The following ANKRD66 variants were observed in gnomAD, a reference collection of about 807,000 sequenced individuals.
ANKRD66 encodes ankyrin repeat domain 66, also known as ankyrin repeat domain-containing protein 66.
In ANKRD66, 10 loss-of-function variants were observed where a neutral mutation model predicts 10.9. The observed-to-expected ratio is 0.91, with a 90% confidence interval of 0.56 to 1.55. ANKRD66 has a LOEUF of 1.55. Among genes scored for constraint, ANKRD66 ranks in the 40% most tolerant of loss-of-function variants. The pLI, the probability that ANKRD66 is intolerant of heterozygous loss-of-function variation, is 0.00. For synonymous variants in ANKRD66, 85 were observed against 88.4 expected (o/e 0.96, Z 0.22); for missense variants, 252 against 242.9 (o/e 1.04, Z -0.25).
At chr6:46,749,248 GT>G (rs1193797348) in intron 1 of ANKRD66, among the ~76,000 whole-genome samples, 2 of 152,214 alleles carry the variant, frequency 1.3e-5, no homozygotes, top group African/African-American at 4.8e-5. Flanking sequence ...CAGTATGGGA[GT>G]TGGTGGCTCC....
chr6:46,749,557 C>A lies in ANKRD66; in HGVS notation c.-96-339C>A, dbSNP rs111455763. Among the ~76,000 whole-genome samples, 40 of 96,396 alleles carry A rather than the reference C, an allele frequency of 4.1e-4. 3 individuals are homozygous for A. In the South Asian group the frequency reaches 6.5e-3, roughly 16 times the overall value. 63.2% of individuals were successfully genotyped at this position (96,396 alleles called of 152,430 possible). A position where few individuals can be genotyped will look rare whatever the true frequency, so the allele number is the denominator to read the frequency against. ...TTTTTTTTTCTCTTTTATTCCCCCC[C>A]CCCCCCCCCCGCTTTTTTCTTTTCC... On this transcript the variant is annotated intron_variant, in intron 1 of 4. Transcript: ENST00000565422.
intron 3 of ANKRD66, 88 bp downstream of exon 3, chr6:46,752,199 C>A: frequency 7.8e-7 from 1 of 1,281,278 alleles, no homozygotes. Flanking sequence ...GGGAGTGGAA[C>A]AAACATTTCT....
At chr6:46,753,985 A>G in intron 4 of ANKRD66, 35 bp downstream of exon 4, 1 of 1,517,296 alleles carries the variant, frequency 6.6e-7, no homozygotes, top group African/African-American at 1.4e-5. Flanking sequence ...TAGAAGGAGC[A>G]GAGGAACAGG....
At chr6:46,750,076 C>T in intron 2 of ANKRD66, 97 bp downstream of exon 2, 1 of 656,316 alleles carries the variant, frequency 1.5e-6, no homozygotes, top group South Asian at 1.7e-5. Context: ...ACTCCAGCTC[C>T]TTCTTATGAT....
chr6:46,755,290 A>G lies in ANKRD66; in HGVS notation c.392+1340A>G, dbSNP rs115076867. ...GCTAGAGAAAATCCCACGTCAATAT[A>G]TGGGTATCCTAGCAGTTTGAATATT... On this transcript the variant is annotated intron_variant, in intron 4 of 4. Transcript: ENST00000565422. Among the ~76,000 whole-genome samples the G allele has an allele frequency of 5.0e-3, 764 of 152,278 alleles. 7 individuals are homozygous for G. The highest frequency in any genetic ancestry group is 0.017 in the African/African-American group (697 of 41,554).
rs185356540 is a variant in ANKRD66 at position 46,753,376 on chromosome 6, A to T, written c.164-346A>T. Among the ~76,000 whole-genome samples, 11 of 152,350 alleles carry T rather than the reference A, an allele frequency of 7.2e-5. No individual in the cohort carries two copies. In the East Asian group the frequency reaches 2.1e-3, roughly 29 times the overall value. The stretch of plus-strand genomic sequence containing the variant: ...GCTCAGTGTTGAGACTGTCAAAAGC[A>T]CAGTGGGCCTTACCAATAGGCAGGT... On this transcript the variant is annotated intron_variant, in intron 3 of 4. Transcript: ENST00000565422.
Position 46,758,933 on chromosome 6 carries a change from T to G in ANKRD66, c.*12T>G, listed in dbSNP as rs372121909. On this transcript the variant is annotated 3_prime_UTR_variant, in exon 5 of 5. Transcript: ENST00000565422. ...GGAGGAGAGTATGAGAACTCAACCT[T>G]ATGTTTTCTGGCAAGGAACTTTCCC... The G allele has an allele frequency of 6.5e-7, 1 of 1,529,202 alleles. No individual in the cohort carries two copies. The highest frequency in any genetic ancestry group is 8.8e-7 in the Non-Finnish European group (1 of 1,136,304). 94.7% of individuals were successfully genotyped at this position (1,529,202 alleles called of 1,614,324 possible).
Position 46,759,296 on chromosome 6 carries a change from CT to C in ANKRD66, c.*380del, listed in dbSNP as rs1766437351. ...TAATGAACATGTGATTATAGGTCTA[CT>C]TTTTCAACTGTAAATTTGGGAAAAT... is the stretch of plus-strand genomic sequence containing the variant. On this transcript the variant is annotated 3_prime_UTR_variant, in exon 5 of 5. Coordinates refer to ENST00000565422, the MANE Select transcript of ANKRD66 (RefSeq NM_001162435.3). 1 of 158,748 alleles carries C rather than the reference CT, an allele frequency of 6.3e-6. No individual in the cohort carries two copies. The highest frequency in any genetic ancestry group is 2.4e-5 in the African/African-American group (1 of 41,740). 9.8% of individuals were successfully genotyped at this position (158,748 alleles called of 1,614,324 possible).
At chr6:46,747,698 A>G (rs964760147) in intron 1 of ANKRD66, among the ~76,000 whole-genome samples, 4 of 152,198 alleles carry the variant, frequency 2.6e-5, no homozygotes, top group Non-Finnish European at 5.9e-5. Flanking sequence ...CTATTCATCT[A>G]TTGATGAACC....
chr6:46,753,889 G>A lies in ANKRD66; in HGVS notation c.331G>A (p.Asp111Asn), dbSNP rs1308135290. ...AAIDAPDFFG[D>N]TPKRIAQIYG... Reference sequence around the variant, plus strand: ...CATCGACGCCCCTGACTTCTTTGGAGACACACCGAAGAGGATTGCACAGAT... The same window carrying A: ...CATCGACGCCCCTGACTTCTTTGGAAACACACCGAAGAGGATTGCACAGAT... The change falls in exon 4 of 5, where the codon GAC becomes AAC. Residue 111 changes from aspartate to asparagine, a missense_variant. Asp to Asn is a conservative substitution (Grantham distance 23, BLOSUM62 1). Coordinates refer to ENST00000565422, the MANE Select transcript of ANKRD66 (RefSeq NM_001162435.3). 4 of 1,551,664 alleles carry A rather than the reference G, an allele frequency of 2.6e-6. No individual in the cohort carries two copies. The highest frequency in any genetic ancestry group is 3.5e-6 in the Non-Finnish European group (4 of 1,146,998).
chr6:46,751,621 C>T (rs1766270417), intron 2 of ANKRD66, among the ~76,000 whole-genome samples: 1 of 152,070 alleles, frequency 6.6e-6, no homozygotes, highest in South Asian at 2.1e-4. Flanking sequence ...TACTTACTAA[C>T]GTAAGGGAAC....
intron 3 of ANKRD66, 37 bp from the exon 4 acceptor site, chr6:46,753,685 T>C (rs1562091084): frequency 6.6e-7 from 1 of 1,511,338 alleles, no homozygotes; most frequent in Admixed American, 2.1e-5. Context: ...GACATCTTTA[T>C]CCTAACCTCA....
At chr6:46,749,563 C>CGG (rs1554185852) in intron 1 of ANKRD66, among the ~76,000 whole-genome samples, 1 of 106,700 alleles carries the variant, frequency 9.4e-6, no homozygotes, top group Admixed American at 1.1e-4. Context: ...CCCCCCCCCC[C>CGG]CCCCGCTTTT....
intron 2 of ANKRD66, among the ~76,000 whole-genome samples, chr6:46,751,411 G>A (rs911485472): frequency 2.0e-5 from 3 of 152,168 alleles, no homozygotes; most frequent in Admixed American, 6.5e-5. Flanking sequence ...TTATTTGTGT[G>A]ATTGTGTGTC....
intron 3 of ANKRD66, among the ~76,000 whole-genome samples, chr6:46,753,332 C>A (rs1424889674): frequency 1.3e-5 from 2 of 152,184 alleles, no homozygotes; most frequent in African/African-American, 4.8e-5. Context: ...GTAAATAGGA[C>A]TTAAAATATT....
At position 46,753,805 on chromosome 6, in the gene ANKRD66, T is replaced by A; in HGVS notation, c.247T>A (p.Phe83Ile). The change falls in exon 4 of 5, where the codon TTT becomes ATT. Residue 83 changes from phenylalanine (F) to isoleucine (I), a missense_variant. Phe to Ile is a conservative substitution (Grantham distance 21, BLOSUM62 0). Coordinates refer to ENST00000565422, the MANE Select transcript of ANKRD66 (RefSeq NM_001162435.3). The part of the protein sequence containing the change: ...VTSVGWTPAH[F>I]AAEAGHLNIL... ...TAGTGTGGGCTGGACCCCAGCTCAT[T>A]TTGCAGCAGAAGCAGGCCATCTGAA... 1 of 1,551,640 alleles carries A rather than the reference T, an allele frequency of 6.4e-7. No homozygotes were observed. The highest frequency in any genetic ancestry group is 8.7e-7 in the Non-Finnish European group (1 of 1,146,976).
intron 3 of ANKRD66, 126 bp from the exon 4 acceptor site, chr6:46,753,596 G>A (rs1766312617): frequency 1.2e-6 from 1 of 849,854 alleles, no homozygotes; most frequent in South Asian, 1.9e-5. Context: ...GATGATGATA[G>A]GAAACTGGAG....
rs759053802 is a variant in ANKRD66, at chr6:46,752,095, C to G, written c.147C>G (p.His49Gln). ...ACTGGAATGACCGGACCCCACTTCA[C>G]TGGGCTGCAATCAAAGGTGAGTGGG... ...DVDWNDRTPL[H>Q]WAAIKGQMEV... is the part of the protein sequence containing the mutation. Residue 49 changes from histidine (H) to glutamine (Q), a missense_variant, in exon 3 of 5, where the codon CAC becomes CAG. Transcript: ENST00000565422. 2.5e-5 allele frequency: 37 copies of G among 1,493,628 alleles called. No homozygotes were observed. The highest frequency in any genetic ancestry group is 3.2e-5 in the Non-Finnish European group (36 of 1,123,698). The allele number at this position is 1,493,628 out of a possible 1,614,324, so 92.5% of individuals were successfully genotyped here. A position where few individuals can be genotyped will look rare whatever the true frequency, so the allele number is the denominator to read the frequency against.
chr6:46,757,342 G>A (rs1766404630), intron 4 of ANKRD66: 1 of 152,202 alleles, frequency 6.6e-6, no homozygotes, highest in African/African-American at 2.4e-5. Context: ...AGGGATAGTG[G>A]AGTGCAGGGA....
Sources: allele counts gnomAD v4.1 joint callset (sites outside exome capture counted in the v4.1 genomes callset), GRCh38; gene constraint gnomAD v4.1.1; transcripts MANE v1.5; gene names NCBI Gene and HGNC (gene_info 2026-07-23, HGNC 2026-07-21).